The following MARK3 variants were observed in gnomAD, a reference collection of about 807,000 sequenced individuals.
MARK3 encodes MAP/microtubule affinity-regulating kinase 3.
A neutral mutation model predicts 90.1 loss-of-function variants in MARK3; 46 were observed. That is an observed-to-expected ratio of 0.51 (90% CI 0.40 to 0.65). MARK3 has a LOEUF of 0.65. MARK3 is among the 30% of genes least tolerant of loss of function. The pLI, the probability that MARK3 is intolerant of heterozygous loss-of-function variation, is 0.00. For synonymous variants in MARK3, 321 were observed against 332.6 expected (o/e 0.97, Z 0.38); for missense variants, 818 against 947.2 (o/e 0.86, Z 1.79).
chr14:103,476,029 T>C (rs932930457), intron 13 of MARK3, among the ~76,000 whole-genome samples: 8 of 152,278 alleles, frequency 5.3e-5, no homozygotes, highest in Non-Finnish European at 1.0e-4. Flanking sequence ...CAAATACTGT[T>C]TTCTCCTATG....
intron 5 of MARK3, among the ~76,000 whole-genome samples, chr14:103,455,351 G>A (rs1009829891): frequency 1.3e-5 from 2 of 152,180 alleles, no homozygotes; most frequent in Non-Finnish European, 2.9e-5. Flanking sequence ...ACACTTTACC[G>A]AGCTGACATT....
chr14:103,389,221 G>C (rs191662733), intron 1 of MARK3, among the ~76,000 whole-genome samples: 1 of 151,804 alleles, frequency 6.6e-6, no homozygotes, highest in East Asian at 2.0e-4. Context: ...AAAATTAGCC[G>C]GGCGTGGTGG....
intron 1 of MARK3, among the ~76,000 whole-genome samples, chr14:103,395,514 A>G (rs2090524698): frequency 6.6e-6 from 1 of 152,072 alleles, no homozygotes; most frequent in South Asian, 2.1e-4. Context: ...GTTCTGCTGC[A>G]TAGTTGTCAT....
chr14:103,498,665 C>A, intron 16 of MARK3, 137 bp downstream of exon 16: 1 of 836,750 alleles, frequency 1.2e-6, no homozygotes, highest in Non-Finnish European at 1.6e-6. Flanking sequence ...TACTTAATTC[C>A]TTGAAAGGAA....
In MARK3 at chr14:103,466,489, A is replaced by AT. The variant is rs769673887; in HGVS notation, c.997+48dup. The AT allele has an allele frequency of 1.1e-4, 142 of 1,280,784 alleles. 1 individual carries two copies. The South Asian group carries it at 1.4e-3, about 13-fold the overall frequency. 79.3% of individuals were successfully genotyped at this position (1,280,784 alleles called of 1,614,324 possible). A position where few individuals can be genotyped will look rare whatever the true frequency, so the allele number is the denominator to read the frequency against. On this transcript the variant is annotated intron_variant, in intron 10 of 17. Coordinates refer to ENST00000429436, the MANE Select transcript of MARK3 (RefSeq NM_001128918.3). Reference sequence around the variant, plus strand: ...GTTCATGTGTTTTTGTCTAAGTAACATATTTCTGTTTTGACTCATGTCTGT... The same window carrying AT: ...GTTCATGTGTTTTTGTCTAAGTAACATTATTTCTGTTTTGACTCATGTCTGT...
In MARK3 at chr14:103,439,629, G is replaced by A. The variant is rs145770932; in HGVS notation, c.298-9290G>A. ...TCACCATGTTGGCCAGGCCGGTCTTGAACTCCTGACCTCAAGTGATCCACC... is the reference window on the plus strand; with the variant it reads ...TCACCATGTTGGCCAGGCCGGTCTTAAACTCCTGACCTCAAGTGATCCACC... On this transcript the variant is annotated intron_variant, in intron 3 of 17. Coordinates refer to ENST00000429436, the MANE Select transcript of MARK3 (RefSeq NM_001128918.3). Among the ~76,000 whole-genome samples, 511 of 152,034 alleles carry A rather than the reference G, an allele frequency of 3.4e-3. 5 individuals carry two copies. Among genetic ancestry groups the A allele is most frequent in the African/African-American group, 0.012 (486 of 41,444 alleles).
At chr14:103,468,271 C>G in intron 12 of MARK3, 85 bp downstream of exon 12, 1 of 1,028,782 alleles carries the variant, frequency 9.7e-7, no homozygotes, top group Non-Finnish European at 1.4e-6. Context: ...TTGCTCAGAG[C>G]CTGGCTTGAT....
intron 16 of MARK3, chr14:103,499,925 T>C: frequency 1.8e-6 from 1 of 554,718 alleles, no homozygotes; most frequent in Non-Finnish European, 3.3e-6. Flanking sequence ...ATGTATGCAG[T>C]GTGCAGCATG....
At chr14:103,444,303 TCTC>T (rs925613187) in intron 3 of MARK3, among the ~76,000 whole-genome samples, 4 of 152,144 alleles carry the variant, frequency 2.6e-5, no homozygotes, top group African/African-American at 9.7e-5. Context: ...AGGTATTTAT[TCTC>T]CTCTTGTGTG....
chr14:103,446,029 A>C (rs1325732564), intron 3 of MARK3, among the ~76,000 whole-genome samples: 1 of 152,222 alleles, frequency 6.6e-6, no homozygotes, highest in Non-Finnish European at 1.5e-5. Flanking sequence ...ACAGTAGTGA[A>C]AGGAGACAGG....
chr14:103,465,508 A>T (rs760694934), intron 7 of MARK3, 49 bp from the exon 8 acceptor site: 2 of 1,299,368 alleles, frequency 1.5e-6, no homozygotes, highest in South Asian at 1.2e-5. Context: ...TCATAATTCT[A>T]ATTCTATTTT....
chr14:103,436,185 G>A (rs888081992), intron 3 of MARK3, among the ~76,000 whole-genome samples: 20 of 151,906 alleles, frequency 1.3e-4, no homozygotes, highest in Admixed American at 2.0e-4. Context: ...CACCGTGCCC[G>A]GCAAAGTAAC....
At chr14:103,429,444 T>C (rs2092513225) in intron 3 of MARK3, 1 of 152,232 alleles carries the variant, frequency 6.6e-6, no homozygotes, top group Non-Finnish European at 1.5e-5. Context: ...TTGTGCGATA[T>C]TTTGATAAGA....
chr14:103,478,985 T>C (rs2093769378), intron 13 of MARK3, among the ~76,000 whole-genome samples: 1 of 152,230 alleles, frequency 6.6e-6, no homozygotes, highest in Non-Finnish European at 1.5e-5. Flanking sequence ...AACAATTGTG[T>C]ACAAATTTCT....
At chr14:103,448,106 T>C (rs930731439) in intron 3 of MARK3, among the ~76,000 whole-genome samples, 2 of 152,218 alleles carry the variant, frequency 1.3e-5, no homozygotes, top group Non-Finnish European at 2.9e-5. Context: ...GGTTCACTTG[T>C]GTGGCTGAAT....
At chr14:103,422,511 A>G (rs1366380258) in intron 2 of MARK3, among the ~76,000 whole-genome samples, 2 of 152,174 alleles carry the variant, frequency 1.3e-5, no homozygotes, top group African/African-American at 4.8e-5. Flanking sequence ...TCATAAGTGT[A>G]CAGCTTGATG....
intron 3 of MARK3, among the ~76,000 whole-genome samples, chr14:103,445,939 T>C (rs1393783907): frequency 2.0e-5 from 3 of 152,202 alleles, no homozygotes; most frequent in African/African-American, 7.2e-5. Context: ...CAGACCGCAG[T>C]TGTTGGTAGT....
intron 1 of MARK3, among the ~76,000 whole-genome samples, chr14:103,397,904 A>G (rs2090689001): frequency 1.3e-5 from 2 of 152,206 alleles, no homozygotes; most frequent in Admixed American, 1.3e-4. Flanking sequence ...TACTCCTGTT[A>G]GTCTCCATAT....
intron 2 of MARK3, among the ~76,000 whole-genome samples, chr14:103,421,012 A>T (rs1046107030): frequency 1.2e-4 from 18 of 152,134 alleles, no homozygotes; most frequent in African/African-American, 4.3e-4. Context: ...AGTGAAACTT[A>T]CCTAACACCT....
Sources: gnomAD v4.1 joint callset for allele counts (sites outside exome capture counted in the v4.1 genomes callset) on GRCh38, gnomAD v4.1.1 for gene constraint, MANE v1.5 for transcripts, NCBI Gene and HGNC (gene_info 2026-07-23, HGNC 2026-07-21) for gene names.